The following FRMD1 variants were observed in gnomAD, a reference collection of about 807,000 sequenced individuals.
FRMD1 encodes FERM domain containing 1.
In FRMD1, 51 loss-of-function variants were observed where a neutral mutation model predicts 54.9. The ratio of observed to expected loss-of-function variants is 0.93; its 90% CI spans 0.74 to 1.17. The LOEUF (loss-of-function observed/expected upper bound fraction) is 1.17. FRMD1 is among the 50% of genes most tolerant of loss of function. The pLI is 0.00. For synonymous variants in FRMD1, 324 were observed against 306.4 expected, an observed-to-expected ratio of 1.06 and a Z score of -0.60; for missense variants, 729 against 743.0, an observed-to-expected ratio of 0.98 and a Z score of 0.22.
At chr6:168,079,388 C>G (rs912551186), upstream of FRMD1, among the ~76,000 whole-genome samples, 5 of 152,218 alleles carry the variant, frequency 3.3e-5, no homozygotes, top group Non-Finnish European at 7.3e-5. Context: ...GTGTGGGCCC[C>G]GTGAGAACCA....
chr6:168,069,482 G>A (rs1346021760), intron 2 of FRMD1, among the ~76,000 whole-genome samples: 2 of 152,152 alleles, frequency 1.3e-5, no homozygotes, highest in Non-Finnish European at 2.9e-5. Context: ...TCACTATTTG[G>A]GTACTCGAGC....
chr6:168,059,111 G>T lies in FRMD1; in HGVS notation c.1407+13C>A, dbSNP rs370946458. ...GCAGGGCCAGGGCTTCTGGCCCGTG[G>T]GGGGGACTCTACCTGGTGCACGGCC... On this transcript the variant is annotated intron_variant, in intron 10 of 10. Transcript: ENST00000283309. This position sits in a 1 kb window ranked among gnomAD's most constrained non-coding sequence, Gnocchi z 4.4. 1 of 1,562,384 alleles carries T rather than the reference G, an allele frequency of 6.4e-7. No homozygotes were observed.
chr6:168,071,588 T>C (rs143533133), intron 2 of FRMD1, among the ~76,000 whole-genome samples: 65 of 152,312 alleles, frequency 4.3e-4, no homozygotes, highest in African/African-American at 1.5e-3. Flanking sequence ...TCCTTTCTTG[T>C]CCCTGAGGCC....
At chr6:168,085,219 A>G (rs188053713), upstream of FRMD1, among the ~76,000 whole-genome samples, 59 of 152,344 alleles carry the variant, frequency 3.9e-4, no homozygotes, top group African/African-American at 1.3e-3. Flanking sequence ...AAAGGCCCCA[A>G]CCTGAGGGCC....
intron 1 of FRMD1, chr6:168,075,593 C>A (rs1800551104): frequency 1.3e-6 from 1 of 746,458 alleles, no homozygotes; most frequent in Non-Finnish European, 2.3e-6. Flanking sequence ...CCCCTCCATC[C>A]CTGTCTGTCT....
At chr6:168,066,158 C>T (rs1457379451) in intron 4 of FRMD1, 6 of 986,756 alleles carry the variant, frequency 6.1e-6, no homozygotes, top group Middle Eastern at 5.2e-4. Context: ...CGCCCACCCC[C>T]GGATGGTATA....
intron 1 of FRMD1, 84 bp downstream of exon 1, chr6:168,078,784 ACGGCCACCCAGGGC>A: frequency 1.5e-5 from 1 of 66,084 alleles, no homozygotes; most frequent in East Asian, 3.1e-4. Context: ...GCTCACCCCC[ACGGCCACCCAGGGC>A]CCTGCTCACC....
At chr6:168,091,191 G>A (rs559785715) in intron 1 of FRMD1, among the ~76,000 whole-genome samples, 1 of 152,180 alleles carries the variant, frequency 6.6e-6, no homozygotes, top group Non-Finnish European at 1.5e-5. Flanking sequence ...AACTAAAATG[G>A]TTACTGCCAG....
chr6:168,086,136 G>T (rs529021395), upstream of FRMD1, among the ~76,000 whole-genome samples: 105 of 152,236 alleles, frequency 6.9e-4, no homozygotes, highest in Non-Finnish European at 1.3e-3. Flanking sequence ...CCCCAGCGTG[G>T]ACACCTATAC....
intron 2 of FRMD1, among the ~76,000 whole-genome samples, chr6:168,074,607 ATG>A (rs1284267186): frequency 6.1e-4 from 79 of 130,114 alleles, no homozygotes; most frequent in Admixed American, 4.2e-3. Context: ...AACTGTGTGC[ATG>A]TGTGTGGTGC....
chr6:168,059,547 C>A lies in FRMD1; in HGVS notation c.1343-359G>T, dbSNP rs1799607613. ...GACAGGAATGCCTGGCCCTGGGAGG[C>A]CCTAGGTGATGTTTTGTGACCCTGG... On this transcript the variant is annotated intron_variant, in intron 9 of 10. Coordinates refer to ENST00000283309, the MANE Select transcript of FRMD1 (RefSeq NM_024919.6). The surrounding 1 kb of genome is among the most constrained non-coding windows in gnomAD (Gnocchi z 4.4). Among the ~76,000 whole-genome samples the A allele has an allele frequency of 2.0e-5, 3 of 152,122 alleles. No individual in the cohort carries two copies. Among genetic ancestry groups the A allele is most frequent in the African/African-American group, 7.2e-5 (3 of 41,418 alleles).
intron 4 of FRMD1, chr6:168,065,628 C>T: frequency 1.0e-6 from 1 of 986,642 alleles, no homozygotes; most frequent in South Asian, 4.7e-5. Flanking sequence ...ACCTCCCCTC[C>T]AAGGCTATCC....
chr6:168,081,504 C>CCAA, upstream of FRMD1: 1 of 1,532,106 alleles, frequency 6.5e-7, no homozygotes, highest in Non-Finnish European at 8.7e-7. Context: ...CCTCCTCGGC[C>CCAA]CAACTCTCTC....
chr6:168,060,717 C>T, intron 9 of FRMD1, 44 bp downstream of exon 9: 2 of 1,570,946 alleles, frequency 1.3e-6, no homozygotes, highest in Non-Finnish European at 1.7e-6. Context: ...CTGGCTGGAC[C>T]ACACTCACTG....
intron 1 of FRMD1, among the ~76,000 whole-genome samples, chr6:168,076,925 T>C (rs943537509): frequency 6.6e-6 from 1 of 151,850 alleles, no homozygotes; most frequent in Non-Finnish European, 1.5e-5. Context: ...CCTGTCTAAC[T>C]ACAGATACAC....
At chr6:168,080,319 G>A (rs1014379837), upstream of FRMD1, among the ~76,000 whole-genome samples, 1 of 145,402 alleles carries the variant, frequency 6.9e-6, no homozygotes, top group Non-Finnish European at 1.5e-5. Context: ...CCAGACCCTC[G>A]AGGCCACACA....
At chr6:168,075,781 C>T (rs1251816074) in intron 1 of FRMD1, 1 of 1,550,778 alleles carries the variant, frequency 6.4e-7, no homozygotes, top group Non-Finnish European at 8.7e-7. Context: ...CAACAGTGTT[C>T]CTACAGCTGA....
chr6:168,063,514 G>C, intron 6 of FRMD1, 87 bp downstream of exon 6: 2 of 1,409,742 alleles, frequency 1.4e-6, no homozygotes, highest in Non-Finnish European at 1.9e-6. Flanking sequence ...CTGCCCTGGG[G>C]TCCTGATCCC....
At chr6:168,077,192 G>T (rs959209464) in intron 1 of FRMD1, among the ~76,000 whole-genome samples, 1 of 152,112 alleles carries the variant, frequency 6.6e-6, no homozygotes, top group African/African-American at 2.4e-5. Context: ...TCTGATAGAG[G>T]GTTCCTCTCC....
Sources: allele counts gnomAD v4.1 joint callset (sites outside exome capture counted in the v4.1 genomes callset), GRCh38; gene constraint gnomAD v4.1.1; non-coding constraint Gnocchi (gnomAD v3.1); transcripts MANE v1.5; gene names NCBI Gene and HGNC (gene_info 2026-07-23, HGNC 2026-07-21).